DYM: variants seen among roughly 807,000 people sequenced by gnomAD.
DYM encodes the protein dyggve-Melchior-Clausen syndrome protein.
In DYM, 78 loss-of-function variants were observed where a neutral mutation model predicts 93.1. The ratio of observed to expected loss-of-function variants is 0.84; its 90% CI spans 0.70 to 1.01. The LOEUF is 1.01. Among genes scored for constraint, DYM ranks in the 50% least tolerant of loss-of-function variants. DYM has a pLI of 0.00. For synonymous variants in DYM, 321 were observed against 319.7 expected (o/e 1.00, Z -0.04); for missense variants, 789 against 845.0 (o/e 0.93, Z 0.82).
intron 17 of DYM, among the ~76,000 whole-genome samples, chr18:49,046,084 G>A (rs952373807): frequency 4.0e-5 from 6 of 149,778 alleles, no homozygotes; most frequent in South Asian, 2.1e-4. Context: ...CTGCATGCGC[G>A]CACACACACA....
chr18:49,107,251 C>T (rs1279694225), intron 16 of DYM, among the ~76,000 whole-genome samples: 1 of 152,210 alleles, frequency 6.6e-6, no homozygotes, highest in Non-Finnish European at 1.5e-5. Flanking sequence ...TGGTTTTCAG[C>T]TCCATTAGGT....
rs191511608 is a variant in DYM, at chr18:49,219,004, G to A, written c.1461-9289C>T. Among the ~76,000 whole-genome samples, 126 of 152,212 alleles carry A rather than the reference G, an allele frequency of 8.3e-4. 3 individuals carry two copies. Among genetic ancestry groups the A allele is most frequent in the African/African-American group, 2.7e-3 (113 of 41,528 alleles). ...AAAGGATCAACAAAATTGATAGACC[G>A]CTAGCAAGACTAATAAAGACGAAAA... On this transcript the variant is annotated intron_variant, in intron 13 of 17. Transcript: ENST00000675505.
intron 1 of DYM, 108 bp from the exon 2 acceptor site, chr18:49,430,555 TTATAAA>T: frequency 1.1e-6 from 1 of 879,316 alleles, no homozygotes; most frequent in Middle Eastern, 3.4e-4. Context: ...ATTTCTGTAT[TTATAAA>T]TATATTAGAC....
intron 15 of DYM, among the ~76,000 whole-genome samples, chr18:49,123,212 G>A (rs940427756): frequency 9.9e-5 from 15 of 152,032 alleles, no homozygotes; most frequent in African/African-American, 3.1e-4. Context: ...ATTTCCGCAT[G>A]TATTTTGTTA....
intron 15 of DYM, among the ~76,000 whole-genome samples, chr18:49,127,959 C>G (rs2082981079): frequency 6.6e-6 from 1 of 152,216 alleles, no homozygotes; most frequent in Admixed American, 6.5e-5. Flanking sequence ...ACCATGTGGT[C>G]TTTTTCTACA....
At chr18:49,338,334 GA>G (rs2063823850) in intron 6 of DYM, among the ~76,000 whole-genome samples, 1 of 152,192 alleles carries the variant, frequency 6.6e-6, no homozygotes, top group Non-Finnish European at 1.5e-5. Flanking sequence ...ATACTATGAA[GA>G]TAATAATTCT....
At chr18:49,459,925 G>C (rs958881050) in intron 1 of DYM, among the ~76,000 whole-genome samples, 2 of 145,164 alleles carry the variant, frequency 1.4e-5, no homozygotes, top group East Asian at 2.4e-4. Flanking sequence ...GGGCGGGGGG[G>C]GCGGTGATTA....
At chr18:49,316,055 G>C (rs1443212566) in intron 8 of DYM, among the ~76,000 whole-genome samples, 1 of 152,210 alleles carries the variant, frequency 6.6e-6, no homozygotes, top group Non-Finnish European at 1.5e-5. Flanking sequence ...GCCAAGGTGA[G>C]CAGATTGCTT....
intron 16 of DYM, among the ~76,000 whole-genome samples, chr18:49,111,982 C>A (rs535722601): frequency 1.3e-5 from 2 of 152,250 alleles, no homozygotes; most frequent in East Asian, 3.9e-4. Flanking sequence ...TCTTATAGAA[C>A]CCTGGGGCTG....
At position 49,097,874 on chromosome 18, in the gene DYM, GCTCTCTCTCTCT is replaced by G. The variant is rs61301668; in HGVS notation, c.1912-371_1912-360del. Among the ~76,000 whole-genome samples, 492 of 141,284 alleles carry G rather than the reference GCTCTCTCTCTCT, an allele frequency of 3.5e-3. 3 individuals carry two copies. The highest frequency in any genetic ancestry group is 0.017 in the South Asian group (72 of 4,164). The allele number at this position is 141,284 out of a possible 152,430, so 92.7% of individuals were successfully genotyped here. A position where few individuals can be genotyped will look rare whatever the true frequency, so the allele number is the denominator to read the frequency against. On this transcript the variant is annotated intron_variant, in intron 16 of 17. Coordinates refer to ENST00000675505, the MANE Select transcript of DYM (RefSeq NM_001353214.3). Reference sequence around the variant, plus strand: ...CTATCACTTTTGAAGCTTAATATTAGCTCTCTCTCTCTCTCTCTCTCTCTCTCTCTCTCTCTC... The same window carrying G: ...CTATCACTTTTGAAGCTTAATATTAGCTCTCTCTCTCTCTCTCTCTCTCTC...
rs760816756 is a variant in DYM, at chr18:49,430,365, A to G, written c.30T>C (p.Asp10=). The change falls in exon 2 of 18, where the codon GAT becomes GAC. Residue 10 remains aspartate (D), a synonymous_variant. Coordinates refer to ENST00000675505, the MANE Select transcript of DYM (RefSeq NM_001353214.3). Reference sequence around the variant, plus strand: ...TTTTCAAGTACTCATTTTTAGGAAGATCGCCGATTCTGCTGCTATTCGATC... The same window carrying G: ...TTTTCAAGTACTCATTTTTAGGAAGGTCGCCGATTCTGCTGCTATTCGATC... MGSNSSRIG[D]LPKNEYLKKL... 6.2e-7 allele frequency: 1 copy of G among 1,613,968 alleles called. No individual in the cohort carries two copies. Among genetic ancestry groups the G allele is most frequent in the African/African-American group, 1.3e-5 (1 of 75,064 alleles).
chr18:49,252,736 C>A (rs2145015082), intron 13 of DYM, among the ~76,000 whole-genome samples: 1 of 152,184 alleles, frequency 6.6e-6, no homozygotes, highest in South Asian at 2.1e-4. Flanking sequence ...GAAGGAGAAG[C>A]CAGAGGAAAC....
rs7228073 is a variant in DYM at position 49,354,499 on chromosome 18, T to C, written c.494+8662A>G. Among the ~76,000 whole-genome samples the C allele has an allele frequency of 1.9e-4, 29 of 152,228 alleles. 1 individual carries two copies. The South Asian group carries it at 5.8e-3, about 30-fold the overall frequency. On this transcript the variant is annotated intron_variant, in intron 6 of 17. Coordinates refer to ENST00000675505, the MANE Select transcript of DYM (RefSeq NM_001353214.3). The stretch of plus-strand genomic sequence containing the variant: ...AAAGACACTGTGAAGAGAATGAGAA[T>C]AAATGCCACAGGCTGGGAGAAAACA...
At chr18:49,297,279 T>C (rs1192122598) in intron 8 of DYM, among the ~76,000 whole-genome samples, 9 of 152,226 alleles carry the variant, frequency 5.9e-5, no homozygotes, top group Non-Finnish European at 1.3e-4. Context: ...GAACAAACTA[T>C]GCTTCATGCA....
At chr18:49,245,177 G>A (rs1459103061) in intron 13 of DYM, among the ~76,000 whole-genome samples, 5 of 152,252 alleles carry the variant, frequency 3.3e-5, no homozygotes, top group Non-Finnish European at 7.3e-5. Context: ...ATCTTCGTAA[G>A]CTGAGGATGT....
At chr18:49,411,120 A>G (rs2072193847) in intron 2 of DYM, among the ~76,000 whole-genome samples, 1 of 152,170 alleles carries the variant, frequency 6.6e-6, no homozygotes, top group African/African-American at 2.4e-5. Context: ...AACTTGTCCA[A>G]TGTCACGGTA....
intron 2 of DYM, among the ~76,000 whole-genome samples, chr18:49,425,482 G>A (rs1488649670): frequency 6.6e-6 from 1 of 152,052 alleles, no homozygotes; most frequent in East Asian, 1.9e-4. Flanking sequence ...ACATAGGCAT[G>A]GGCAAGGACT....
chr18:49,057,036 G>A (rs1192349676), intron 17 of DYM, among the ~76,000 whole-genome samples: 2 of 152,156 alleles, frequency 1.3e-5, no homozygotes, highest in Non-Finnish European at 2.9e-5. Flanking sequence ...GGCATAGGTC[G>A]TAAGTTTCAT....
intron 8 of DYM, among the ~76,000 whole-genome samples, chr18:49,295,562 A>T (rs1350061231): frequency 6.6e-6 from 1 of 152,144 alleles, no homozygotes; most frequent in African/African-American, 2.4e-5. Flanking sequence ...ATGGTAAAAC[A>T]AGATTGGAGG....
Sources: allele counts gnomAD v4.1 joint callset (sites outside exome capture counted in the v4.1 genomes callset), GRCh38; gene constraint gnomAD v4.1.1; transcripts MANE v1.5; gene names NCBI Gene and HGNC (gene_info 2026-07-23, HGNC 2026-07-21).